The following COMMD10 variants were observed in gnomAD, a reference collection of about 807,000 sequenced individuals.
The protein encoded by COMMD10 is COMM domain containing 10, also known as COMM domain-containing protein 10.
In COMMD10, 33 loss-of-function variants were observed where a neutral mutation model predicts 28.9. That is an observed-to-expected ratio of 1.14 (90% confidence interval 0.87 to 1.53). The LOEUF is 1.53. Among genes scored for constraint, COMMD10 ranks in the 40% most tolerant of loss-of-function variants. The pLI, the probability that COMMD10 is intolerant of heterozygous loss-of-function variation, is 0.00. For missense variants in COMMD10, 310 were observed against 233.4 expected, an observed-to-expected ratio of 1.33 and a Z score of -2.14; for synonymous variants, 110 against 81.7, an observed-to-expected ratio of 1.35 and a Z score of -1.87.
chr5:116,175,205 T>C (rs909913184), intron 5 of COMMD10, among the ~76,000 whole-genome samples: 4 of 152,126 alleles, frequency 2.6e-5, no homozygotes, highest in African/African-American at 9.7e-5. Context: ...TATATTTGTT[T>C]TTTATTTTTG....
intron 5 of COMMD10, among the ~76,000 whole-genome samples, chr5:116,219,597 A>G (rs1410098782): frequency 6.6e-6 from 1 of 152,202 alleles, no homozygotes; most frequent in African/African-American, 2.4e-5. Context: ...GGAAGAGGCA[A>G]AAAGCAGATT....
At chr5:116,283,341 A>C (rs1751124940) in intron 5 of COMMD10, among the ~76,000 whole-genome samples, 1 of 151,062 alleles carries the variant, frequency 6.6e-6, no homozygotes, top group Admixed American at 6.6e-5. Context: ...TAGCTATCAC[A>C]AAATAACAAC....
chr5:116,120,599 A>G (rs544673909), intron 4 of COMMD10, among the ~76,000 whole-genome samples: 1 of 152,282 alleles, frequency 6.6e-6, no homozygotes, highest in Non-Finnish European at 1.5e-5. Flanking sequence ...CCTAGCCCCA[A>G]GCAACCCCTG....
chr5:116,087,054 C>G (rs901308590), intron 1 of COMMD10, among the ~76,000 whole-genome samples: 1 of 152,152 alleles, frequency 6.6e-6, no homozygotes, highest in Non-Finnish European at 1.5e-5. Context: ...TGCTTAGTGA[C>G]CCCAGATGAT....
intron 5 of COMMD10, among the ~76,000 whole-genome samples, chr5:116,196,482 A>G (rs572254160): frequency 4.0e-5 from 6 of 150,206 alleles, no homozygotes; most frequent in African/African-American, 1.3e-4. Context: ...CCTGTACCCC[A>G]GTAACTTATG....
rs188396872 is a variant in COMMD10, at chr5:116,209,668, A to C, written c.510+75490A>C. ...CGTATAAAATTCAATAGCGGTTAGT[A>C]GCAAGGAATGAGTGTTATCTGAAGT... On this transcript the variant is annotated intron_variant, in intron 5 of 6. Transcript: ENST00000274458. 1.7e-3 allele frequency among the ~76,000 whole-genome samples: 262 copies of C among 152,316 alleles called. 3 individuals carry two copies. Among genetic ancestry groups the C allele is most frequent in the African/African-American group, 5.9e-3 (245 of 41,568 alleles).
chr5:116,249,304 C>T (rs765975944), intron 5 of COMMD10, among the ~76,000 whole-genome samples: 2 of 151,766 alleles, frequency 1.3e-5, no homozygotes, highest in East Asian at 1.9e-4. Flanking sequence ...GATAAGTATT[C>T]GAATCTTTCA....
chr5:116,146,952 A>G (rs1265474247), intron 5 of COMMD10, among the ~76,000 whole-genome samples: 1 of 151,818 alleles, frequency 6.6e-6, no homozygotes, highest in Non-Finnish European at 1.5e-5. Context: ...ACCTTTCAGA[A>G]ATGCCATGTC....
intron 4 of COMMD10, among the ~76,000 whole-genome samples, chr5:116,115,180 T>C (rs1263163359): frequency 1.3e-5 from 2 of 152,144 alleles, no homozygotes; most frequent in African/African-American, 2.4e-5. Flanking sequence ...AGCAGTTCCT[T>C]TATACAGTCT....
At chr5:116,106,224 G>A (rs1332351812) in intron 4 of COMMD10, among the ~76,000 whole-genome samples, 2 of 151,322 alleles carry the variant, frequency 1.3e-5, no homozygotes, top group Admixed American at 6.6e-5. Context: ...CTTTATTTTT[G>A]CTTTTATTTC....
At chr5:116,131,164 T>C (rs1038612924) in intron 4 of COMMD10, among the ~76,000 whole-genome samples, 23 of 151,948 alleles carry the variant, frequency 1.5e-4, no homozygotes, top group African/African-American at 5.1e-4. Flanking sequence ...GAGGCAGGTC[T>C]TATTGTGTCC....
At chr5:116,256,349 A>G (rs1750284843) in intron 5 of COMMD10, among the ~76,000 whole-genome samples, 2 of 151,768 alleles carry the variant, frequency 1.3e-5, no homozygotes, top group Non-Finnish European at 2.9e-5. Context: ...TGTGTCTGAC[A>G]GTCGGTAGCT....
intron 5 of COMMD10, among the ~76,000 whole-genome samples, chr5:116,225,353 GA>G (rs1561675417): frequency 2.1e-4 from 25 of 116,474 alleles, no homozygotes; most frequent in Non-Finnish European, 3.9e-4. Flanking sequence ...TTTTTTTGGG[GA>G]TTTTTTTTTT....
intron 5 of COMMD10, among the ~76,000 whole-genome samples, chr5:116,254,363 T>C (rs1243196206): frequency 1.3e-5 from 2 of 152,114 alleles, no homozygotes; most frequent in Non-Finnish European, 2.9e-5. Flanking sequence ...TTGCCCTTGC[T>C]TTTCTAGTTC....
chr5:116,251,463 C>A (rs1349005904), intron 5 of COMMD10, among the ~76,000 whole-genome samples: 213 of 135,658 alleles, frequency 1.6e-3, no homozygotes, highest in African/African-American at 5.5e-3. Context: ...ACACAACAGT[C>A]CCCAGAGTGT....
chr5:116,250,202 A>C (rs957086970), intron 5 of COMMD10, among the ~76,000 whole-genome samples: 22 of 151,858 alleles, frequency 1.4e-4, no homozygotes, highest in Admixed American at 9.2e-4. Context: ...TTTATCTTTT[A>C]GTTTGTAAGG....
intron 5 of COMMD10, among the ~76,000 whole-genome samples, chr5:116,248,370 A>G (rs1372478214): frequency 1.6e-5 from 2 of 121,424 alleles, no homozygotes; most frequent in Admixed American, 8.4e-5. Flanking sequence ...AAAGTATAAT[A>G]TTAAGAGTTA....
chr5:116,204,891 TG>T, intron 5 of COMMD10, among the ~76,000 whole-genome samples: 1 of 152,242 alleles, frequency 6.6e-6, no homozygotes, highest in African/African-American at 2.4e-5. Context: ...AGACAACACA[TG>T]CTGTTTTACT....
intron 5 of COMMD10, among the ~76,000 whole-genome samples, chr5:116,149,703 G>A (rs1049483356): frequency 2.7e-5 from 4 of 148,938 alleles, no homozygotes; most frequent in Admixed American, 6.7e-5. Flanking sequence ...TGATGGGGTT[G>A]TTTGTTTTTT....
Sources: allele counts gnomAD v4.1 joint callset (sites outside exome capture counted in the v4.1 genomes callset), GRCh38; gene constraint gnomAD v4.1.1; transcripts MANE v1.5; gene names NCBI Gene and HGNC (gene_info 2026-07-23, HGNC 2026-07-21).